Variants in TSGA10IP observed in about 807,000 individuals in gnomAD.
TSGA10IP encodes the protein testis specific 10 interacting protein, also known as testis-specific protein 10-interacting protein.
A neutral mutation model predicts 63.2 loss-of-function variants in TSGA10IP; 64 were observed. The observed-to-expected ratio is 1.01, with a 90% CI of 0.83 to 1.25. The LOEUF (loss-of-function observed/expected upper bound fraction) is 1.25. Among genes scored for constraint, TSGA10IP ranks in the 50% most tolerant of loss-of-function variants. TSGA10IP has a pLI of 0.00. For missense variants in TSGA10IP, 681 were observed against 710.1 expected (o/e 0.96, Z 0.47); for synonymous variants, 316 against 298.3 (o/e 1.06, Z -0.61).
At chr11:65,956,674 C>T (rs557925535) in intron 5 of TSGA10IP, among the ~76,000 whole-genome samples, 6 of 152,240 alleles carry the variant, frequency 3.9e-5, no homozygotes, top group South Asian at 4.1e-4. Context: ...ACCACAGGTG[C>T]GCGCCACCAC....
exon 3 of TSGA10IP, chr11:65,947,483 C>G (rs1854859348): frequency 6.2e-7 from 1 of 1,613,340 alleles, no homozygotes. Context: ...GCTGCAAAGC[C>G]TGGGTGCTGA....
intron 4 of TSGA10IP, among the ~76,000 whole-genome samples, chr11:65,951,480 CTTTT>C (rs979061080): frequency 1.5e-4 from 22 of 149,126 alleles, no homozygotes; most frequent in African/African-American, 4.7e-4. Flanking sequence ...ATTTGTATGT[CTTTT>C]TTTGAGAAAT....
intron 4 of TSGA10IP, among the ~76,000 whole-genome samples, chr11:65,948,363 A>G (rs1854884372): frequency 6.6e-6 from 1 of 152,074 alleles, no homozygotes; most frequent in African/African-American, 2.4e-5. Flanking sequence ...CCACTCAACC[A>G]TTCATCCATC....
intron 4 of TSGA10IP, 147 bp downstream of exon 4, chr11:65,948,295 TCCATCCATCCATCCATCCATCCAC>T: frequency 3.6e-6 from 3 of 824,400 alleles, no homozygotes; most frequent in East Asian, 2.8e-5. Context: ...CATCCATCCA[TCCATCCATCCATCCATCCATCCAC>T]CCATCCATCC....
intron 5 of TSGA10IP, among the ~76,000 whole-genome samples, chr11:65,956,651 C>T (rs1331933715): frequency 1.3e-5 from 2 of 152,180 alleles, no homozygotes; most frequent in Non-Finnish European, 2.9e-5. Context: ...CCTCAGCAAC[C>T]TGAGTAGCTG....
intron 4 of TSGA10IP, 129 bp downstream of exon 4, chr11:65,948,277 C>A (rs1854880866): frequency 8.6e-6 from 4 of 465,568 alleles, no homozygotes; most frequent in South Asian, 8.1e-5. Context: ...ACTTTTGGAT[C>A]ATCCATCCAT....
chr11:65,953,812 C>A, intron 5 of TSGA10IP, 75 bp downstream of exon 5: 1 of 1,252,436 alleles, frequency 8.0e-7, no homozygotes, highest in Non-Finnish European at 1.0e-6. Flanking sequence ...TCTACAGGAC[C>A]GAGGAGCACC....
intron 4 of TSGA10IP, among the ~76,000 whole-genome samples, chr11:65,952,206 A>G (rs1318759038): frequency 6.6e-6 from 1 of 152,154 alleles, no homozygotes; most frequent in Non-Finnish European, 1.5e-5. Flanking sequence ...ACTTGAGTTC[A>G]CATATTTTGG....
At chr11:65,951,910 C>T (rs1288685785) in intron 4 of TSGA10IP, among the ~76,000 whole-genome samples, 2 of 150,396 alleles carry the variant, frequency 1.3e-5, no homozygotes, top group African/African-American at 2.5e-5. Flanking sequence ...AGTGCAGTGG[C>T]ATAATCTTGG....
Position 65,946,636 on chromosome 11 carries a change from T to A in TSGA10IP, c.148-244T>A, listed in dbSNP as rs191305680. Among the ~76,000 whole-genome samples the A allele has an allele frequency of 7.9e-5, 12 of 152,294 alleles. No homozygotes were observed. The East Asian group carries it at 2.3e-3, about 29-fold the overall frequency. Reference sequence around the variant, plus strand: ...TTTTAGTACAGATGGGGTTTCGCCATGTTGGCCAGGCTGGTCTCGAACTCC... The same window carrying A: ...TTTTAGTACAGATGGGGTTTCGCCAAGTTGGCCAGGCTGGTCTCGAACTCC... On this transcript the variant is annotated intron_variant, in intron 1 of 7. Transcript: ENST00000532620.
chr11:65,959,388 G>A, intron 7 of TSGA10IP, 74 bp downstream of exon 7: 1 of 1,555,668 alleles, frequency 6.4e-7, no homozygotes. Context: ...CCAGCACTCT[G>A]GGCTCTGGAG....
At chr11:65,945,589 C>A in exon 1 of TSGA10IP, 1 of 1,490,206 alleles carries the variant, frequency 6.7e-7, no homozygotes, top group Non-Finnish European at 9.1e-7. Context: ...ATGCTTTTTG[C>A]CAGACCCATT....
At chr11:65,955,993 C>T (rs895549178) in intron 5 of TSGA10IP, among the ~76,000 whole-genome samples, 1 of 152,170 alleles carries the variant, frequency 6.6e-6, no homozygotes, top group African/African-American at 2.4e-5. Flanking sequence ...ATTTGAGCAC[C>T]TCCTGGGTGC....
At chr11:65,959,763 T>C in intron 7 of TSGA10IP, 54 bp from the exon 8 acceptor site, 1 of 1,509,998 alleles carries the variant, frequency 6.6e-7, no homozygotes, top group South Asian at 1.3e-5. Context: ...AGTGGTTTCC[T>C]TGGGCATGGG....
chr11:65,953,803 C>A, intron 5 of TSGA10IP, 66 bp downstream of exon 5: 2 of 1,331,954 alleles, frequency 1.5e-6, no homozygotes, highest in South Asian at 1.6e-5. Flanking sequence ...AGGTCTCAGT[C>A]TACAGGACCG....
intron 4 of TSGA10IP, among the ~76,000 whole-genome samples, chr11:65,952,144 G>A (rs758970791): frequency 2.6e-5 from 4 of 152,096 alleles, no homozygotes; most frequent in African/African-American, 7.2e-5. Flanking sequence ...AACAGCCGTC[G>A]CGCCTGGCCT....
chr11:65,946,500 C>T (rs993274314), intron 1 of TSGA10IP, among the ~76,000 whole-genome samples: 2 of 152,054 alleles, frequency 1.3e-5, no homozygotes, highest in Admixed American at 6.6e-5. Flanking sequence ...GACACAATCT[C>T]GGCTCACTGC....
chr11:65,956,807 G>A (rs1031810109), intron 5 of TSGA10IP, among the ~76,000 whole-genome samples: 1 of 152,134 alleles, frequency 6.6e-6, no homozygotes, highest in Admixed American at 6.6e-5. Flanking sequence ...GGGATTACAG[G>A]CGTGAGCCAC....
intron 6 of TSGA10IP, 33 bp downstream of exon 6, chr11:65,959,015 C>T (rs1039635784): frequency 3.1e-6 from 5 of 1,606,900 alleles, no homozygotes; most frequent in South Asian, 2.2e-5. Flanking sequence ...CACATAGCTG[C>T]CCCCTGTGAA....
Sources: allele counts gnomAD v4.1 joint callset (sites outside exome capture counted in the v4.1 genomes callset), GRCh38; gene constraint gnomAD v4.1.1; transcripts MANE v1.5; gene names NCBI Gene and HGNC (gene_info 2026-07-23, HGNC 2026-07-21).